UBE2L6: variants seen among roughly 807,000 people sequenced by gnomAD.
UBE2L6 encodes the protein ubiquitin/ISG15-conjugating enzyme E2 L6.
In UBE2L6, 11 loss-of-function variants were observed where a neutral mutation model predicts 13.6. The observed-to-expected ratio is 0.81, with a 90% CI of 0.51 to 1.34. The LOEUF (loss-of-function observed/expected upper bound fraction) is 1.34. Ranked by LOEUF, UBE2L6 falls within the 40% of genes most tolerant of loss-of-function variation. The probability of loss-of-function intolerance (pLI) is 0.00; values close to 1 mark genes in which losing one functional copy is unlikely to be tolerated. For missense variants in UBE2L6, 197 were observed against 199.5 expected, an observed-to-expected ratio of 0.99 and a Z score of 0.07; for synonymous variants, 74 against 83.2, an observed-to-expected ratio of 0.89 and a Z score of 0.60.
intron 1 of UBE2L6, 116 bp downstream of exon 1, chr11:57,567,469 C>T: frequency 6.9e-7 from 1 of 1,441,180 alleles, no homozygotes; most frequent in African/African-American, 1.4e-5. Context: ...TCAGCCAGCC[C>T]TGGTGCCCAG....
chr11:57,567,256 G>T (rs1945099992), intron 1 of UBE2L6: 3 of 491,596 alleles, frequency 6.1e-6, no homozygotes, highest in Non-Finnish European at 1.1e-5. Context: ...AGATGCCAAG[G>T]ACTTTTCCTG....
chr11:57,563,187 G>A (rs752545248), intron 1 of UBE2L6, among the ~76,000 whole-genome samples: 11 of 151,874 alleles, frequency 7.2e-5, no homozygotes, highest in Admixed American at 3.3e-4. Flanking sequence ...GAGAAATTCC[G>A]GAGTCGAAAA....
intron 1 of UBE2L6, among the ~76,000 whole-genome samples, chr11:57,566,036 AATGGCCCTTC>A (rs1242460664): frequency 6.6e-6 from 1 of 151,296 alleles, no homozygotes; most frequent in Non-Finnish European, 1.5e-5. Flanking sequence ...ACCCAGGGTC[AATGGCCCTTC>A]ATTTATCTTT....
intron 2 of UBE2L6, among the ~76,000 whole-genome samples, chr11:57,560,070 T>C (rs1368542721): frequency 6.6e-6 from 1 of 152,166 alleles, no homozygotes; most frequent in Non-Finnish European, 1.5e-5. Flanking sequence ...TCTCCTGAAG[T>C]TCTGTGGTGG....
At chr11:57,554,084 C>T (rs1283853873) in intron 3 of UBE2L6, among the ~76,000 whole-genome samples, 1 of 152,144 alleles carries the variant, frequency 6.6e-6, no homozygotes, top group African/African-American at 2.4e-5. Context: ...AGGCCAGTTC[C>T]CTCCACTGTC....
rs867995120 is a variant in UBE2L6, at chr11:57,554,580, C to G, written c.167G>C (p.Ser56Thr). 1.9e-6 allele frequency: 3 copies of G among 1,614,112 alleles called. No homozygotes were observed. The highest frequency in any genetic ancestry group is 1.6e-4 in the Middle Eastern group (1 of 6,062). The change falls in exon 3 of 4, where the codon AGC becomes ACC. Residue 56 changes from serine (S) to threonine (T), a missense_variant. Coordinates refer to ENST00000287156, the MANE Select transcript of UBE2L6 (RefSeq NM_004223.5). ...YHLKAFNLRISFPPEYPFKPP... is the reference protein window; with the variant it reads ...YHLKAFNLRITFPPEYPFKPP... ...CTTGAACGGATACTCCGGCGGGAAGCTGATGCGCAGGTTGAAGGCTTTCAG... is the reference window on the plus strand; with the variant it reads ...CTTGAACGGATACTCCGGCGGGAAGGTGATGCGCAGGTTGAAGGCTTTCAG...
intron 1 of UBE2L6, among the ~76,000 whole-genome samples, chr11:57,565,878 G>A (rs1160465900): frequency 6.6e-6 from 1 of 152,074 alleles, no homozygotes; most frequent in Non-Finnish European, 1.5e-5. Context: ...CAAGTGGGGA[G>A]GGGTCCTTTA....
At position 57,560,376 on chromosome 11, in the gene UBE2L6, A is replaced by T; in HGVS notation, c.84T>A (p.Asp28Glu). ...PPPYLRNLSS[D>E]DANVLVWHAL... ...CGTGCCACACCAGGACATTGGCATC[A>T]TCGCTGGACAGGTTCCGCAGGTATG... The change falls in exon 2 of 4, where the codon GAT (aspartate) becomes GAA (glutamate). Residue 28 changes from aspartate to glutamate, a missense_variant. By Grantham distance (45) the Asp-to-Glu change is conservative. Coordinates refer to ENST00000287156, the MANE Select transcript of UBE2L6 (RefSeq NM_004223.5). The T allele has an allele frequency of 6.2e-7, 1 of 1,614,074 alleles. No individual in the cohort carries two copies. Among genetic ancestry groups the T allele is most frequent in the Non-Finnish European group, 8.5e-7 (1 of 1,179,982 alleles).
At chr11:57,567,076 C>T (rs1945098764) in intron 1 of UBE2L6, 6 of 456,060 alleles carry the variant, frequency 1.3e-5, no homozygotes, top group Admixed American at 2.4e-5. Context: ...CCAGAGAATA[C>T]TCAGGGAACT....
Position 57,567,671 on chromosome 11 carries a change from A to G in UBE2L6, c.-60T>C. ...GCAGGACCGAGCTCCGACCCGCGAC[A>G]CAGCGCGCCCCGCCCCGCCCCGGGG... is the stretch of plus-strand genomic sequence containing the variant. On this transcript the variant is annotated 5_prime_UTR_variant, in exon 1 of 4. Transcript: ENST00000287156. The G allele has an allele frequency of 1.3e-6, 2 of 1,555,532 alleles. No individual in the cohort carries two copies. The highest frequency in any genetic ancestry group is 1.7e-6 in the Non-Finnish European group (2 of 1,146,894).
At chr11:57,566,295 A>C (rs1945092273) in intron 1 of UBE2L6, among the ~76,000 whole-genome samples, 1 of 152,184 alleles carries the variant, frequency 6.6e-6, no homozygotes, top group East Asian at 1.9e-4. Context: ...CCTACTAGGA[A>C]ATCACCTGAC....
chr11:57,563,743 A>C (rs942313876), intron 1 of UBE2L6, among the ~76,000 whole-genome samples: 1 of 151,416 alleles, frequency 6.6e-6, no homozygotes, highest in Non-Finnish European at 1.5e-5. Context: ...TACAAAAAAA[A>C]AAAAAAAAAT....
chr11:57,552,651 C>T (rs1172853741), intron 3 of UBE2L6, 142 bp from the exon 4 acceptor site: 15 of 1,076,376 alleles, frequency 1.4e-5, no homozygotes, highest in African/African-American at 4.8e-5. Flanking sequence ...CCAGATCAAA[C>T]GCCCCGCTCA....
At chr11:57,561,521 G>T (rs1195488182) in intron 1 of UBE2L6, among the ~76,000 whole-genome samples, 2 of 152,280 alleles carry the variant, frequency 1.3e-5, no homozygotes, top group Admixed American at 6.5e-5. Context: ...TTCACAGAGG[G>T]TGCACTCTGT....
intron 1 of UBE2L6, among the ~76,000 whole-genome samples, chr11:57,561,546 AGAATGAACAG>A (rs1945047521): frequency 6.6e-6 from 1 of 152,188 alleles, no homozygotes; most frequent in African/African-American, 2.4e-5. Flanking sequence ...TGGGCCATGC[AGAATGAACAG>A]GAATCCATAA....
intron 2 of UBE2L6, among the ~76,000 whole-genome samples, chr11:57,556,097 G>A (rs1426117252): frequency 6.6e-6 from 1 of 152,154 alleles, no homozygotes; most frequent in Admixed American, 6.5e-5. Context: ...CTAAGGGTTT[G>A]ACATGCATTA....
chr11:57,560,730 C>G (rs1005546666), intron 1 of UBE2L6, among the ~76,000 whole-genome samples: 4 of 151,900 alleles, frequency 2.6e-5, no homozygotes, highest in African/African-American at 9.7e-5. Context: ...ACGCCATTCT[C>G]CTGCCTCAGC....
At chr11:57,556,205 G>T (rs1944995952) in intron 2 of UBE2L6, among the ~76,000 whole-genome samples, 2 of 152,060 alleles carry the variant, frequency 1.3e-5, no homozygotes, top group African/African-American at 4.8e-5. Flanking sequence ...ATCTAACTAG[G>T]TCAGGTGCGG....
intron 1 of UBE2L6, 141 bp from the exon 2 acceptor site, chr11:57,560,573 A>G: frequency 6.3e-6 from 4 of 636,790 alleles, no homozygotes; most frequent in Non-Finnish European, 1.1e-5. Context: ...GCCTACATTT[A>G]CTGAGCACTT....
Sources: gnomAD v4.1 joint callset for allele counts (sites outside exome capture counted in the v4.1 genomes callset) on GRCh38, gnomAD v4.1.1 for gene constraint, MANE v1.5 for transcripts, NCBI Gene and HGNC (gene_info 2026-07-23, HGNC 2026-07-21) for gene names.